The following HDAC9 variants were observed in gnomAD, a reference collection of about 807,000 sequenced individuals.
HDAC9 encodes the protein MEF-2 interacting transcription repressor (MITR) protein.
HDAC9 carries 41 observed loss-of-function variants against 139.4 expected under a neutral mutation model. The ratio of observed to expected loss-of-function variants is 0.29; its 90% CI spans 0.23 to 0.38. HDAC9 has a LOEUF of 0.38. Ranked by LOEUF, HDAC9 falls within the 10% of genes least tolerant of loss-of-function variation. HDAC9 has a pLI of 1.00. For synonymous variants in HDAC9, 517 were observed against 476.2 expected, an observed-to-expected ratio of 1.09 and a Z score of -1.12; for missense variants, 1,147 against 1,297.0, an observed-to-expected ratio of 0.88 and a Z score of 1.78.
chr7:18,893,751 G>C (rs375812730), intron 22 of HDAC9, among the ~76,000 whole-genome samples: 20 of 152,266 alleles, frequency 1.3e-4, no homozygotes, highest in African/African-American at 4.3e-4. Flanking sequence ...CGCAGGGAAA[G>C]GGTCAGATTT....
At chr7:18,290,816 A>G (rs1216916209) in intron 1 of HDAC9, among the ~76,000 whole-genome samples, 1 of 152,184 alleles carries the variant, frequency 6.6e-6, no homozygotes, top group Non-Finnish European at 1.5e-5. Context: ...AAGTTCCTGT[A>G]CTCTGATTTT....
intron 1 of HDAC9, among the ~76,000 whole-genome samples, chr7:18,342,848 G>A (rs1015128042): frequency 3.7e-4 from 56 of 151,842 alleles, no homozygotes; most frequent in Middle Eastern, 3.4e-3. Flanking sequence ...GAATATTTGC[G>A]TTATGTGCAA....
intron 1 of HDAC9, among the ~76,000 whole-genome samples, chr7:18,475,379 G>T (rs1795036602): frequency 6.6e-6 from 1 of 152,176 alleles, no homozygotes; most frequent in Non-Finnish European, 1.5e-5. Flanking sequence ...ATTTTATAGA[G>T]GGTGCCAAGC....
intron 1 of HDAC9, among the ~76,000 whole-genome samples, chr7:18,353,007 C>T (rs1034422902): frequency 1.3e-5 from 2 of 152,096 alleles, no homozygotes; most frequent in Non-Finnish European, 2.9e-5. Context: ...AACAAATACC[C>T]TGCTAGTTAT....
At chr7:18,542,323 A>C (rs1447655621) in intron 2 of HDAC9, among the ~76,000 whole-genome samples, 46 of 152,174 alleles carry the variant, frequency 3.0e-4, no homozygotes. Flanking sequence ...CAACTTCTCT[A>C]TACCTCAATT....
chr7:18,993,400 A>G (rs894858912), intron 25 of HDAC9, among the ~76,000 whole-genome samples: 18 of 152,208 alleles, frequency 1.2e-4, no homozygotes, highest in African/African-American at 3.9e-4. Flanking sequence ...TTCAAAGTCA[A>G]ATTTTCGAAA....
Position 18,989,566 on chromosome 7 carries a change from C to A in HDAC9, c.3171-6457C>A, listed in dbSNP as rs992930252. ...CTCTTCTTGAGGAGTATCTTTGTGG[C>A]GTTCTCTGTATTTCCTGAATCTGAA... On this transcript the variant is annotated intron_variant, in intron 25 of 25. Coordinates refer to ENST00000686413, the MANE Select transcript of HDAC9 (RefSeq NM_178425.4). Among the ~76,000 whole-genome samples the A allele has an allele frequency of 5.0e-4, 75 of 150,046 alleles. 1 individual carries two copies. The highest frequency in any genetic ancestry group is 1.9e-4 in the Non-Finnish European group (13 of 67,596).
At chr7:18,252,656 A>G (rs1794988560) in intron 2 of HDAC9, among the ~76,000 whole-genome samples, 1 of 152,182 alleles carries the variant, frequency 6.6e-6, no homozygotes, top group South Asian at 2.1e-4. Flanking sequence ...CATTCATAAA[A>G]GCACTTAGCT....
intron 2 of HDAC9, among the ~76,000 whole-genome samples, chr7:18,167,648 C>A (rs1191791785): frequency 7.2e-5 from 11 of 152,142 alleles, no homozygotes; most frequent in Admixed American, 7.2e-4. Flanking sequence ...TGTGCATCTC[C>A]GCATCAAGCT....
chr7:18,536,619 G>A (rs893241266), intron 2 of HDAC9, among the ~76,000 whole-genome samples: 2 of 152,090 alleles, frequency 1.3e-5, no homozygotes, highest in Non-Finnish European at 2.9e-5. Context: ...ATACATTATG[G>A]TTCCAGTGTT....
intron 1 of HDAC9, among the ~76,000 whole-genome samples, chr7:18,423,618 T>A (rs1456191933): frequency 6.6e-6 from 1 of 152,248 alleles, no homozygotes; most frequent in Non-Finnish European, 1.5e-5. Flanking sequence ...TCTCATGGCA[T>A]TTAGTGGAGG....
At chr7:18,245,083 C>T (rs940160900) in intron 2 of HDAC9, among the ~76,000 whole-genome samples, 12 of 151,604 alleles carry the variant, frequency 7.9e-5, no homozygotes, top group African/African-American at 2.7e-4. Context: ...ACTCAGTCCT[C>T]AGTTCATACT....
At chr7:18,319,836 A>G (rs891002426) in intron 1 of HDAC9, among the ~76,000 whole-genome samples, 3 of 152,260 alleles carry the variant, frequency 2.0e-5, no homozygotes, top group Admixed American at 2.0e-4. Flanking sequence ...ATGGCAGGCA[A>G]TCACAACATT....
At chr7:18,719,035 T>C (rs1784926653) in intron 12 of HDAC9, among the ~76,000 whole-genome samples, 1 of 152,248 alleles carries the variant, frequency 6.6e-6, no homozygotes, top group Admixed American at 6.5e-5. Flanking sequence ...AGTGAGCATC[T>C]ATTCACAAGC....
At chr7:18,197,790 T>A (rs982103351) in intron 2 of HDAC9, among the ~76,000 whole-genome samples, 2 of 152,198 alleles carry the variant, frequency 1.3e-5, no homozygotes, top group Non-Finnish European at 2.9e-5. Context: ...ATATTTGAGA[T>A]TTGTAGACAT....
intron 2 of HDAC9, among the ~76,000 whole-genome samples, chr7:18,250,725 T>G (rs1794866633): frequency 6.6e-6 from 1 of 152,208 alleles, no homozygotes. Context: ...TTGAACTAAT[T>G]TAAACTCCCA....
chr7:18,425,998 C>G (rs1384792298), intron 1 of HDAC9, among the ~76,000 whole-genome samples: 1 of 152,174 alleles, frequency 6.6e-6, no homozygotes, highest in African/African-American at 2.4e-5. Flanking sequence ...TGAGTAGTTG[C>G]AGGCTCTCAG....
chr7:18,385,870 G>A (rs1005081123), intron 1 of HDAC9, among the ~76,000 whole-genome samples: 3 of 151,736 alleles, frequency 2.0e-5, no homozygotes, highest in South Asian at 2.1e-4. Context: ...TAGAGTGGAC[G>A]ATATTTAATT....
At chr7:18,613,532 C>T (rs1837747794) in intron 6 of HDAC9, among the ~76,000 whole-genome samples, 1 of 152,038 alleles carries the variant, frequency 6.6e-6, no homozygotes, top group African/African-American at 2.4e-5. Flanking sequence ...AAATCTATCC[C>T]TCTCCTAAAC....
Sources: allele counts gnomAD v4.1 joint callset (sites outside exome capture counted in the v4.1 genomes callset), GRCh38; gene constraint gnomAD v4.1.1; transcripts MANE v1.5; gene names NCBI Gene and HGNC (gene_info 2026-07-23, HGNC 2026-07-21).